CTH: variants seen among roughly 807,000 people sequenced by gnomAD.
CTH encodes cystathionase (cystathionine gamma-lyase).
CTH carries 41 observed loss-of-function variants against 50.6 expected under a neutral mutation model. The ratio of observed to expected loss-of-function variants is 0.81; its 90% CI spans 0.63 to 1.05. The LOEUF (loss-of-function observed/expected upper bound fraction) is 1.05, where lower values mean the gene tolerates loss of function less well. Ranked by LOEUF, CTH falls within the 50% of genes least tolerant of loss-of-function variation. CTH has a pLI of 0.00. For missense variants in CTH, 470 were observed against 492.6 expected, an observed-to-expected ratio of 0.95 and a Z score of 0.43; for synonymous variants, 156 against 168.9, an observed-to-expected ratio of 0.92 and a Z score of 0.59.
rs758634523 is a variant in CTH at position 70,439,068 on chromosome 1, A to G, written c.1192-33A>G. 4.4e-6 allele frequency: 7 copies of G among 1,590,668 alleles called. No individual in the cohort carries two copies. In the Admixed American group the frequency reaches 8.3e-5, roughly 19 times the overall value. On this transcript the variant is annotated intron_variant, in intron 11 of 11. Coordinates refer to ENST00000370938, the MANE Select transcript of CTH (RefSeq NM_001902.6). Reference sequence around the variant, plus strand: ...GTTGAAGCTATGGCCTATATGTTTAATAACATATTTTTCTTGTGCACTGTT... The same window carrying G: ...GTTGAAGCTATGGCCTATATGTTTAGTAACATATTTTTCTTGTGCACTGTT...
intron 1 of CTH, among the ~76,000 whole-genome samples, chr1:70,414,323 C>T (rs931398042): frequency 6.6e-6 from 1 of 151,576 alleles, no homozygotes; most frequent in African/African-American, 2.4e-5. Flanking sequence ...ACCAACCTCC[C>T]CAACGTAGTG....
In CTH at chr1:70,416,019, C is replaced by T. The variant is rs1684084374; in HGVS notation, c.232C>T (p.Leu78=). 6.3e-7 allele frequency: 1 copy of T among 1,585,476 alleles called. No homozygotes were observed. The highest frequency in any genetic ancestry group is 1.7e-5 in the Admixed American group (1 of 59,966). ...TTGCCTTGAAAAAGCAGTGGCAGCA[C>T]TGGATGGGGCTAAGTACTGTAAGTA... ...RNCLEKAVAA[L]DGAKYCLAFA... is the part of the protein sequence containing the mutation. Residue 78 remains leucine (L), a synonymous_variant, in exon 2 of 12, where the codon CTG becomes TTG. Coordinates refer to ENST00000370938, the MANE Select transcript of CTH (RefSeq NM_001902.6).
At chr1:70,413,498 T>A (rs1684019605) in intron 1 of CTH, among the ~76,000 whole-genome samples, 1 of 151,634 alleles carries the variant, frequency 6.6e-6, no homozygotes, top group African/African-American at 2.4e-5. Context: ...ACTCCTGACC[T>A]CGTGATTCAC....
chr1:70,417,946 T>C lies in CTH; in HGVS notation c.260T>C (p.Phe87Ser), dbSNP rs778207740. ...ALDGAKYCLA[F>S]ASGLAATVTI... is the part of the protein sequence containing the mutation. ...TTGATTTTTATTTTAGGTTTGGCCT[T>C]TGCTTCAGGTTTAGCAGCCACTGTA... Residue 87 changes from phenylalanine to serine, a missense_variant, in exon 3 of 12, where the codon TTT becomes TCT. Physicochemically the swap from Phe to Ser is radical, Grantham distance 155. Transcript: ENST00000370938. 8.7e-6 allele frequency: 14 copies of C among 1,614,078 alleles called. No homozygotes were observed. The South Asian group carries it at 1.5e-4, about 18-fold the overall frequency.
Position 70,439,408 on chromosome 1 carries a change from T to C in CTH, c.*281T>C. Reference sequence around the variant, plus strand: ...TTTGTGCTACTTTGGGAGATTATGTTCTTTTTTCATGTCTAAGATTTATTT... The same window carrying C: ...TTTGTGCTACTTTGGGAGATTATGTCCTTTTTTCATGTCTAAGATTTATTT... On this transcript the variant is annotated 3_prime_UTR_variant, in exon 12 of 12. Transcript: ENST00000370938. The C allele has an allele frequency of 2.5e-6, 1 of 407,220 alleles. No homozygotes were observed. The highest frequency in any genetic ancestry group is 4.4e-6 in the Non-Finnish European group (1 of 226,712). 25.2% of individuals were successfully genotyped at this position (407,220 alleles called of 1,614,324 possible). A position where few individuals can be genotyped will look rare whatever the true frequency, so the allele number is the denominator to read the frequency against.
At chr1:70,436,312 A>G (rs1049833115) in intron 10 of CTH, among the ~76,000 whole-genome samples, 1 of 152,186 alleles carries the variant, frequency 6.6e-6, no homozygotes, top group African/African-American at 2.4e-5. Flanking sequence ...TGGGTGATGC[A>G]GCGAGACTCT....
At position 70,439,637 on chromosome 1, in the gene CTH, A is replaced by G. The variant is rs188241304; in HGVS notation, c.*510A>G. 2.0e-4 allele frequency: 31 copies of G among 158,902 alleles called. No homozygotes were observed. The highest frequency in any genetic ancestry group is 1.8e-3 in the Admixed American group (29 of 16,076). 9.8% of individuals were successfully genotyped at this position (158,902 alleles called of 1,614,324 possible). On this transcript the variant is annotated 3_prime_UTR_variant, in exon 12 of 12. Coordinates refer to ENST00000370938, the MANE Select transcript of CTH (RefSeq NM_001902.6). Reference sequence around the variant, plus strand: ...TGAAATTCTACTGATTTAAGACTATACTTAATATTTTTAAAAAAATAAATC... The same window carrying G: ...TGAAATTCTACTGATTTAAGACTATGCTTAATATTTTTAAAAAAATAAATC...
At chr1:70,417,109 C>T (rs1684109490) in intron 2 of CTH, among the ~76,000 whole-genome samples, 2 of 152,062 alleles carry the variant, frequency 1.3e-5, no homozygotes, top group South Asian at 4.1e-4. Flanking sequence ...TAGAGATTAA[C>T]TCCCTAAACT....
At position 70,424,434 on chromosome 1, in the gene CTH, T is replaced by G. The variant is rs768048289; in HGVS notation, c.588+18T>G. ...ATTTCCAGGTAAATGAAAATAATTT[T>G]TTTTGGCACAATTAGTAGACCACAT... On this transcript the variant is annotated intron_variant, in intron 5 of 11. Coordinates refer to ENST00000370938, the MANE Select transcript of CTH (RefSeq NM_001902.6). 37 of 1,613,590 alleles carry G rather than the reference T, an allele frequency of 2.3e-5. 2 individuals are homozygous for G. In the South Asian group the frequency reaches 4.1e-4, roughly 18 times the overall value.
At chr1:70,419,181 T>A (rs1371360264) in intron 3 of CTH, among the ~76,000 whole-genome samples, 2 of 152,086 alleles carry the variant, frequency 1.3e-5, no homozygotes, top group African/African-American at 2.4e-5. Context: ...TGCATAGTAT[T>A]CCATGTGTAT....
At chr1:70,430,458 T>C (rs1684440660) in intron 7 of CTH, 64 bp downstream of exon 7, 2 of 828,238 alleles carry the variant, frequency 2.4e-6, no homozygotes, top group African/African-American at 3.3e-5. Flanking sequence ...TATTTGTATT[T>C]CCACTAAGTG....
rs55649842 is a variant in CTH at position 70,414,823 on chromosome 1, A to ATT, written c.169-1123_169-1122dup. On this transcript the variant is annotated intron_variant, in intron 1 of 11. Coordinates refer to ENST00000370938, the MANE Select transcript of CTH (RefSeq NM_001902.6). ...ATATATGTAAAAGGAGAATAATGCA[A>ATT]TTTTTTTTTTTCCCGAGACAGAGTC... Among the ~76,000 whole-genome samples, 242 of 149,276 alleles carry ATT rather than the reference A, an allele frequency of 1.6e-3. 5 individuals carry two copies. Among genetic ancestry groups the ATT allele is most frequent in the Middle Eastern group, 0.01 (3 of 294 alleles).
chr1:70,439,406 G>A lies in CTH; in HGVS notation c.*279G>A. ...GATTTGTGCTACTTTGGGAGATTAT[G>A]TTCTTTTTTCATGTCTAAGATTTAT... is the stretch of plus-strand genomic sequence containing the variant. On this transcript the variant is annotated 3_prime_UTR_variant, in exon 12 of 12. Transcript: ENST00000370938. 2.5e-6 allele frequency: 1 copy of A among 407,182 alleles called. No homozygotes were observed. Among genetic ancestry groups the A allele is most frequent in the South Asian group, 4.2e-5 (1 of 23,882 alleles). The allele number at this position is 407,182 out of a possible 1,614,324, so 25.2% of individuals were successfully genotyped here. A position where few individuals can be genotyped will look rare whatever the true frequency, so the allele number is the denominator to read the frequency against.
intron 5 of CTH, among the ~76,000 whole-genome samples, chr1:70,427,162 T>G (rs1197668592): frequency 6.6e-6 from 1 of 152,200 alleles, no homozygotes; most frequent in African/African-American, 2.4e-5. Flanking sequence ...ATGGAATATA[T>G]TCTCTTTCTT....
At position 70,439,197 on chromosome 1, in the gene CTH, A is replaced by C. The variant is rs1684666951; in HGVS notation, c.*70A>C. The C allele has an allele frequency of 1.4e-6, 2 of 1,451,322 alleles. No homozygotes were observed. The highest frequency in any genetic ancestry group is 2.8e-5 in the African/African-American group (2 of 71,632). 89.9% of individuals were successfully genotyped at this position (1,451,322 alleles called of 1,614,324 possible). A position where few individuals can be genotyped will look rare whatever the true frequency, so the allele number is the denominator to read the frequency against. On this transcript the variant is annotated 3_prime_UTR_variant, in exon 12 of 12. Transcript: ENST00000370938. ...TCTTCCTGAGTAATTAAATGGACCA[A>C]CAATGAGCCTTTGCAAAATTTTCAA... is the stretch of plus-strand genomic sequence containing the variant.
At chr1:70,427,640 G>A (rs1286006607) in intron 5 of CTH, among the ~76,000 whole-genome samples, 1 of 152,168 alleles carries the variant, frequency 6.6e-6, no homozygotes, top group Non-Finnish European at 1.5e-5. Flanking sequence ...CAGCTCTAAT[G>A]AGGGTGAAAT....
intron 3 of CTH, among the ~76,000 whole-genome samples, chr1:70,419,994 GT>G (rs1161753778): frequency 0.011 from 1,492 of 136,234 alleles, 8 homozygotes; most frequent in Middle Eastern, 0.016. Context: ...GGACCGGCGT[GT>G]TTTTTTTTTT....
At chr1:70,419,246 C>G (rs1684161309) in intron 3 of CTH, among the ~76,000 whole-genome samples, 1 of 151,982 alleles carries the variant, frequency 6.6e-6, no homozygotes, top group Non-Finnish European at 1.5e-5. Flanking sequence ...GGGTTGGTTC[C>G]AAGTCTTTGC....
intron 5 of CTH, among the ~76,000 whole-genome samples, chr1:70,426,904 G>A (rs747254452): frequency 1.3e-5 from 2 of 152,106 alleles, no homozygotes; most frequent in Admixed American, 6.6e-5. Context: ...GCCTGGACCT[G>A]CCCGGGTTAC....
Sources: gnomAD v4.1 joint callset for allele counts (sites outside exome capture counted in the v4.1 genomes callset) on GRCh38, gnomAD v4.1.1 for gene constraint, MANE v1.5 for transcripts, NCBI Gene and HGNC (gene_info 2026-07-23, HGNC 2026-07-21) for gene names.